The following CHRDL2 variants were observed in gnomAD, a reference collection of about 807,000 sequenced individuals.
The protein encoded by CHRDL2 is chordin-like protein 2.
A neutral mutation model predicts 54.3 loss-of-function variants in CHRDL2; 41 were observed. The ratio of observed to expected loss-of-function variants is 0.76; its 90% CI spans 0.59 to 0.98. The LOEUF is 0.98. Ranked by LOEUF, CHRDL2 falls within the 50% of genes least tolerant of loss-of-function variation. The probability of loss-of-function intolerance (pLI) is 0.00; values close to 1 mark genes in which losing one functional copy is unlikely to be tolerated. For synonymous variants in CHRDL2, 220 were observed against 224.3 expected (o/e 0.98, Z 0.17); for missense variants, 518 against 562.4 (o/e 0.92, Z 0.80).
chr11:74,706,619 T>C lies in CHRDL2; in HGVS notation c.527-77A>G, dbSNP rs12184431. On this transcript the variant is annotated intron_variant, in intron 5 of 10. Coordinates refer to ENST00000376332, the MANE Select transcript of CHRDL2 (RefSeq NM_001278473.3). ...GCTAGAGCCCTGAGGCCTCCACCTA[T>C]AGGCTCTGTCCATTCCCAAGGCCTG... 14,423 of 1,382,398 alleles carry C rather than the reference T, an allele frequency of 0.01. 1,200 individuals are homozygous for C. The African/African-American group carries it at 0.18, about 17-fold the overall frequency. 85.6% of individuals were successfully genotyped at this position (1,382,398 alleles called of 1,614,324 possible).
chr11:74,710,958 G>C lies in CHRDL2; in HGVS notation c.323C>G (p.Pro108Arg). The change falls in exon 4 of 11, where the codon CCA becomes CGA. Residue 108 changes from proline (P) to arginine (R), a missense_variant. Coordinates refer to ENST00000376332, the MANE Select transcript of CHRDL2 (RefSeq NM_001278473.3). Reference sequence around the variant, plus strand: ...GGTCCCGTTGTGCTGGCAGGACTTTGGTGGGGCCCGGAGTCCAGAGGGAGT... The same window carrying C: ...GGTCCCGTTGTGCTGGCAGGACTTTCGTGGGGCCCGGAGTCCAGAGGGAGT... ...PHTPSGLRAP[P>R]KSCQHNGTMY... 2 of 1,614,140 alleles carry C rather than the reference G, an allele frequency of 1.2e-6. No individual in the cohort carries two copies. The highest frequency in any genetic ancestry group is 2.2e-5 in the East Asian group (1 of 44,880).
At chr11:74,713,922 G>T in intron 2 of CHRDL2, among the ~76,000 whole-genome samples, 1 of 152,210 alleles carries the variant, frequency 6.6e-6, no homozygotes, top group East Asian at 1.9e-4. Flanking sequence ...CTCATGTGGA[G>T]AAGACGGATG....
rs1390735747 is a variant in CHRDL2, at chr11:74,730,806, C to T, written c.82+1G>A. The T allele has an allele frequency of 1.9e-6, 3 of 1,609,530 alleles. No homozygotes were observed. Among genetic ancestry groups the T allele is most frequent in the African/African-American group, 2.7e-5 (2 of 74,886 alleles). On this transcript the variant is annotated splice_donor_variant, in intron 1 of 10. Coordinates refer to ENST00000376332, the MANE Select transcript of CHRDL2 (RefSeq NM_001278473.3). LOFTEE classifies it high-confidence loss of function. ...CCCACCCAGCCTCCCGGTCTACTTA[C>T]GGGCTCGAGCGTGGGAGTCCAGGGG...
intron 1 of CHRDL2, chr11:74,719,177 A>G: frequency 5.1e-6 from 1 of 195,958 alleles, no homozygotes; most frequent in Non-Finnish European, 1.0e-5. Flanking sequence ...AGGCCCAGAG[A>G]GGGTAAGTTA....
At chr11:74,730,735 G>T in intron 1 of CHRDL2, 72 bp downstream of exon 1, 1 of 1,410,628 alleles carries the variant, frequency 7.1e-7, no homozygotes, top group Non-Finnish European at 9.8e-7. Flanking sequence ...TGGGGTCCAG[G>T]TCCTGGCGCT....
chr11:74,726,523 C>A (rs771710843), intron 1 of CHRDL2, among the ~76,000 whole-genome samples: 2 of 152,166 alleles, frequency 1.3e-5, no homozygotes, highest in African/African-American at 2.4e-5. Context: ...AAGGGGGACG[C>A]CTGAAATGAT....
In CHRDL2 at chr11:74,703,336, T is replaced by C. The variant is rs935772299; in HGVS notation, c.915A>G (p.Lys305=). 1 of 1,610,132 alleles carries C rather than the reference T, an allele frequency of 6.2e-7. No individual in the cohort carries two copies. Among genetic ancestry groups the C allele is most frequent in the African/African-American group, 1.3e-5 (1 of 74,842 alleles). ...AAATCTTGCAGCACTTCCCAGCCAC[T>C]TTCTCGGGGTGACGGCAGGGGTACT... ...PTEYPCRHPE[K]VAGKCCKICP... Residue 305 remains lysine, a synonymous_variant, in exon 8 of 11, where the codon AAA becomes AAG. Transcript: ENST00000376332.
At chr11:74,697,780 A>G (rs1237001284) in intron 9 of CHRDL2, 6 of 300,168 alleles carry the variant, frequency 2.0e-5, no homozygotes, top group African/African-American at 4.4e-5. Context: ...GGAAGAAAGG[A>G]AAGAGAAGGA....
intron 6 of CHRDL2, among the ~76,000 whole-genome samples, chr11:74,705,848 A>T (rs1200589076): frequency 6.6e-6 from 1 of 151,894 alleles, no homozygotes; most frequent in Non-Finnish European, 1.5e-5. Flanking sequence ...GCTTCTGGGG[A>T]ATCTCTGGGA....
At chr11:74,703,674 C>G (rs1591352569) in intron 7 of CHRDL2, among the ~76,000 whole-genome samples, 175 bp from the exon 8 acceptor site, 1 of 152,376 alleles carries the variant, frequency 6.6e-6, no homozygotes, top group East Asian at 1.9e-4. Context: ...CTCCCTGACA[C>G]TGCCCACTGC....
At chr11:74,704,877 T>C (rs1018509610) in intron 6 of CHRDL2, among the ~76,000 whole-genome samples, 3 of 152,088 alleles carry the variant, frequency 2.0e-5, no homozygotes, top group African/African-American at 4.8e-5. Flanking sequence ...GATTTGGAAA[T>C]CTGGCCTCCA....
At chr11:74,705,317 G>A (rs1174045852) in intron 6 of CHRDL2, among the ~76,000 whole-genome samples, 1 of 152,158 alleles carries the variant, frequency 6.6e-6, no homozygotes, top group African/African-American at 2.4e-5. Flanking sequence ...GGCAGCTCCC[G>A]GCCACAGGAG....
Position 74,706,522 on chromosome 11 carries a change from C to A in CHRDL2, c.547G>T (p.Asp183Tyr). The change falls in exon 6 of 11, where the codon GAT (aspartate) becomes TAT (tyrosine). Residue 183 changes from aspartate to tyrosine, a missense_variant. By Grantham distance (160) the Asp-to-Tyr change is radical (BLOSUM62 -3). Coordinates refer to ENST00000376332, the MANE Select transcript of CHRDL2 (RefSeq NM_001278473.3). ...AGCGACTGCACACTGTCCTCTTCAT[C>A]CGATTGCTCACTTGCCTCATCTGAA... ...ACKDEASEQS[D>Y]EEDSVQSLHG... The A allele has an allele frequency of 6.2e-7, 1 of 1,614,108 alleles. No individual in the cohort carries two copies.
chr11:74,713,497 G>A lies in CHRDL2; in HGVS notation c.196-18C>T, dbSNP rs754855401. ...TGGGCGCCCTGAAGGGGACACAAGGGTCAGCCCTGGTTCAAAGAACCATCG... is the reference window on the plus strand; with the variant it reads ...TGGGCGCCCTGAAGGGGACACAAGGATCAGCCCTGGTTCAAAGAACCATCG... On this transcript the variant is annotated intron_variant, in intron 2 of 10. Coordinates refer to ENST00000376332, the MANE Select transcript of CHRDL2 (RefSeq NM_001278473.3). 2 of 1,604,740 alleles carry A rather than the reference G, an allele frequency of 1.2e-6. No homozygotes were observed. The highest frequency in any genetic ancestry group is 2.2e-5 in the East Asian group (1 of 44,840).
At chr11:74,701,586 A>G (rs763468089) in intron 9 of CHRDL2, 36 of 717,238 alleles carry the variant, frequency 5.0e-5, no homozygotes, top group Non-Finnish European at 6.8e-5. Context: ...CCCGTCCTCC[A>G]CTTACTGGCT....
At chr11:74,718,877 C>A in intron 1 of CHRDL2, 45 bp from the exon 2 acceptor site, 2 of 1,200,478 alleles carry the variant, frequency 1.7e-6, no homozygotes, top group Admixed American at 2.1e-5. Context: ...AGGCTCCAGC[C>A]CAAAGACCCT....
At position 74,696,488 on chromosome 11, in the gene CHRDL2, T is replaced by G. The variant is rs774574018; in HGVS notation, c.*21A>C. The G allele has an allele frequency of 2.5e-6, 4 of 1,587,158 alleles. No homozygotes were observed. The highest frequency in any genetic ancestry group is 3.5e-6 in the Non-Finnish European group (4 of 1,155,424). ...AATAACAACAATTATACAGCTCATA[T>G]CTGCAACTGTTAGGTCTTTGTTATG... On this transcript the variant is annotated 3_prime_UTR_variant, in exon 11 of 11. Coordinates refer to ENST00000376332, the MANE Select transcript of CHRDL2 (RefSeq NM_001278473.3).
rs1460388579 is a variant in CHRDL2 at position 74,713,440 on chromosome 11, C to A, written c.235G>T (p.Val79Phe). The change falls in exon 3 of 11, where the codon GTC (valine) becomes TTC (phenylalanine). Residue 79 changes from valine to phenylalanine, a missense_variant. Val to Phe is a conservative substitution (Grantham distance 50). Coordinates refer to ENST00000376332, the MANE Select transcript of CHRDL2 (RefSeq NM_001278473.3). ...TCCGTCACAGGCTGGGGGCAGTGGA[C>A]AGGCGGACAGTGGAGGCGGTAACAA... ...VSCYRLHCPP[V>F]HCPQPVTEPQ... 7 of 1,614,056 alleles carry A rather than the reference C, an allele frequency of 4.3e-6. No homozygotes were observed. The highest frequency in any genetic ancestry group is 5.9e-6 in the Non-Finnish European group (7 of 1,180,030).
intron 2 of CHRDL2, among the ~76,000 whole-genome samples, chr11:74,718,123 G>A (rs1202836771): frequency 2.0e-5 from 3 of 152,196 alleles, no homozygotes; most frequent in Non-Finnish European, 4.4e-5. Context: ...CCAGGTGTGA[G>A]TGAGGGCCCA....
Sources: allele counts gnomAD v4.1 joint callset (sites outside exome capture counted in the v4.1 genomes callset), GRCh38; gene constraint gnomAD v4.1.1; transcripts MANE v1.5; gene names NCBI Gene and HGNC (gene_info 2026-07-23, HGNC 2026-07-21).